The following MAST2 variants were observed in gnomAD, a reference collection of about 807,000 sequenced individuals.
MAST2 encodes microtubule-associated serine/threonine-protein kinase 2.
A neutral mutation model predicts 147.4 loss-of-function variants in MAST2; 70 were observed. That is an observed-to-expected ratio of 0.47 (90% CI 0.39 to 0.58). The LOEUF is 0.58. Among genes scored for constraint, MAST2 ranks in the 20% least tolerant of loss-of-function variants. The pLI is 0.00. For missense variants in MAST2, 2,080 were observed against 2,302.3 expected (o/e 0.90, Z 1.98); for synonymous variants, 869 against 896.8 (o/e 0.97, Z 0.55).
chr1:45,910,334 T>A (rs1651486620), intron 4 of MAST2, among the ~76,000 whole-genome samples: 1 of 152,108 alleles, frequency 6.6e-6, no homozygotes. Context: ...AAATGGAAGT[T>A]TTTTATTCTT....
At chr1:46,013,070 C>G (rs1355306521) in intron 10 of MAST2, among the ~76,000 whole-genome samples, 1 of 151,990 alleles carries the variant, frequency 6.6e-6, no homozygotes, top group Non-Finnish European at 1.5e-5. Context: ...TGAAAAATGA[C>G]CTGATCAGAT....
intron 4 of MAST2, among the ~76,000 whole-genome samples, chr1:45,883,780 G>A (rs1646946392): frequency 6.6e-6 from 1 of 151,960 alleles, no homozygotes; most frequent in South Asian, 2.1e-4. Context: ...TGAGTCTTCT[G>A]TAAATGGCAA....
chr1:45,850,370 A>G (rs1452552489), intron 3 of MAST2, among the ~76,000 whole-genome samples: 1 of 152,160 alleles, frequency 6.6e-6, no homozygotes, highest in Non-Finnish European at 1.5e-5. Flanking sequence ...ATAGTTTGCA[A>G]ATATTTTCTC....
chr1:45,840,474 A>G (rs1645240350), intron 3 of MAST2, among the ~76,000 whole-genome samples: 1 of 152,214 alleles, frequency 6.6e-6, no homozygotes, highest in Non-Finnish European at 1.5e-5. Context: ...TACTCCTGCC[A>G]CTTAGTAATC....
At position 46,028,951 on chromosome 1, in the gene MAST2, G is replaced by C. The variant is rs371389324; in HGVS notation, c.2218+18G>C. 15 of 1,536,560 alleles carry C rather than the reference G, an allele frequency of 9.8e-6. No homozygotes were observed. The highest frequency in any genetic ancestry group is 1.2e-5 in the Non-Finnish European group (14 of 1,145,064). Reference sequence around the variant, plus strand: ...GATCAGTGGTAGGTACTATGCCCCTGGCCCAGTGGGGAAACAGAGTCTGAA... The same window carrying C: ...GATCAGTGGTAGGTACTATGCCCCTCGCCCAGTGGGGAAACAGAGTCTGAA... On this transcript the variant is annotated intron_variant, in intron 18 of 28. Coordinates refer to ENST00000361297, the MANE Select transcript of MAST2 (RefSeq NM_015112.3).
chr1:45,971,013 T>A (rs1278847914), intron 5 of MAST2, among the ~76,000 whole-genome samples: 1 of 152,170 alleles, frequency 6.6e-6, no homozygotes, highest in Non-Finnish European at 1.5e-5. Flanking sequence ...AGGAGACAGA[T>A]AACAGACAAG....
chr1:45,866,578 ATGCC>A, intron 3 of MAST2, among the ~76,000 whole-genome samples: 1 of 152,128 alleles, frequency 6.6e-6, no homozygotes, highest in East Asian at 1.9e-4. Context: ...TTTCTCCCTG[ATGCC>A]TGAGTCAGTC....
At chr1:45,979,201 G>A (rs1216490948) in intron 5 of MAST2, among the ~76,000 whole-genome samples, 1 of 152,174 alleles carries the variant, frequency 6.6e-6, no homozygotes, top group Non-Finnish European at 1.5e-5. Context: ...CCTAGATGGT[G>A]TTTACACAGG....
At chr1:45,875,668 G>T (rs1646576399) in intron 3 of MAST2, among the ~76,000 whole-genome samples, 1 of 152,060 alleles carries the variant, frequency 6.6e-6, no homozygotes. Flanking sequence ...AGATATTTTG[G>T]AAGTAGAATT....
At chr1:45,842,469 C>G (rs1188219909) in intron 3 of MAST2, among the ~76,000 whole-genome samples, 2 of 152,178 alleles carry the variant, frequency 1.3e-5, no homozygotes, top group Non-Finnish European at 2.9e-5. Flanking sequence ...TAAGCCCTTT[C>G]TCCCCACTCC....
At chr1:45,909,263 T>C (rs772882138) in intron 4 of MAST2, among the ~76,000 whole-genome samples, 2 of 152,196 alleles carry the variant, frequency 1.3e-5, no homozygotes, top group African/African-American at 2.4e-5. Context: ...TTTCTCACTT[T>C]ATTATCAGTT....
chr1:45,859,100 T>C (rs1203640994), intron 3 of MAST2, among the ~76,000 whole-genome samples: 1 of 152,216 alleles, frequency 6.6e-6, no homozygotes, highest in East Asian at 1.9e-4. Flanking sequence ...CGGGCCCTTT[T>C]TTGGTTCCAT....
chr1:45,841,872 G>T (rs749081242), intron 3 of MAST2, among the ~76,000 whole-genome samples: 20 of 152,284 alleles, frequency 1.3e-4, no homozygotes, highest in Admixed American at 2.6e-4. Context: ...TATTACATTT[G>T]TAGACTTTGG....
chr1:45,947,420 C>A (rs1338876006), intron 4 of MAST2, among the ~76,000 whole-genome samples: 3 of 151,776 alleles, frequency 2.0e-5, no homozygotes, highest in African/African-American at 7.3e-5. Flanking sequence ...GGCCTGTGGG[C>A]TGCCAGTTGG....
chr1:46,010,599 T>A (rs1447592919), intron 9 of MAST2, 131 bp from the exon 10 acceptor site: 2 of 687,110 alleles, frequency 2.9e-6, no homozygotes, highest in Non-Finnish European at 4.9e-6. Context: ...TTATCAGGTT[T>A]CCCAAATGGC....
intron 3 of MAST2, among the ~76,000 whole-genome samples, chr1:45,858,975 GT>G (rs2148050027): frequency 6.6e-6 from 1 of 152,102 alleles, no homozygotes; most frequent in Non-Finnish European, 1.5e-5. Flanking sequence ...CTATATCTCT[GT>G]TTTGGTACCA....
At chr1:45,907,648 G>C (rs767145190) in intron 4 of MAST2, among the ~76,000 whole-genome samples, 13 of 152,002 alleles carry the variant, frequency 8.6e-5, no homozygotes, top group Non-Finnish European at 1.6e-4. Flanking sequence ...TCATGCAACT[G>C]TTGTCACCAT....
intron 4 of MAST2, among the ~76,000 whole-genome samples, chr1:45,911,076 C>A (rs1458263734): frequency 6.6e-6 from 1 of 152,166 alleles, no homozygotes; most frequent in Non-Finnish European, 1.5e-5. Context: ...AGAGGCCTTT[C>A]TTCTGGCTCT....
chr1:45,827,817 G>T (rs1438899643), intron 2 of MAST2, among the ~76,000 whole-genome samples: 4 of 152,088 alleles, frequency 2.6e-5, no homozygotes, highest in Admixed American at 2.6e-4. Context: ...ATGTCAAAGT[G>T]AAGTCTTTCC....
Sources: allele counts gnomAD v4.1 joint callset (sites outside exome capture counted in the v4.1 genomes callset), GRCh38; gene constraint gnomAD v4.1.1; transcripts MANE v1.5; gene names NCBI Gene and HGNC (gene_info 2026-07-23, HGNC 2026-07-21).